Variants in CAST observed in about 807,000 individuals in gnomAD.
The protein encoded by CAST is MIR583 host.
CAST carries 76 observed loss-of-function variants against 119.6 expected under a neutral mutation model. That is an observed-to-expected ratio of 0.64 (90% CI 0.53 to 0.77). CAST has a LOEUF of 0.77. Among genes scored for constraint, CAST ranks in the 30% least tolerant of loss-of-function variants. CAST has a pLI of 0.00. For synonymous variants in CAST, 319 were observed against 331.6 expected (o/e 0.96, Z 0.41); for missense variants, 953 against 946.5 (o/e 1.01, Z -0.09).
chr5:96,393,344 G>T, the CAST span: 3 of 1,613,966 alleles, frequency 1.9e-6, no homozygotes, highest in African/African-American at 4.0e-5. Flanking sequence ...GGACACCAGG[G>T]TGTTCTCCTT....
intron 24 of CAST, 26 bp from the exon 25 acceptor site, chr5:96,762,248 A>C: frequency 2.0e-6 from 3 of 1,467,022 alleles, no homozygotes; most frequent in Non-Finnish European, 2.8e-6. Context: ...ACAACATGTT[A>C]CTAATAAAAT....
chr5:96,325,143 G>A, the CAST span, among the ~76,000 whole-genome samples: 2 of 152,112 alleles, frequency 1.3e-5, no homozygotes, highest in African/African-American at 4.8e-5. Context: ...GGTAGAGGTT[G>A]CGGTTACCTG....
chr5:96,531,303 A>G (rs931603012), intron 1 of CAST, among the ~76,000 whole-genome samples: 11 of 152,318 alleles, frequency 7.2e-5, no homozygotes, highest in Middle Eastern at 3.4e-3. Flanking sequence ...GGAGCAGTCC[A>G]GAACATGCCA....
At chr5:96,593,825 C>T (rs1372118971) in intron 1 of CAST, among the ~76,000 whole-genome samples, 1 of 152,212 alleles carries the variant, frequency 6.6e-6, no homozygotes, top group African/African-American at 2.4e-5. Flanking sequence ...GCATCAGAGC[C>T]TGACCACACT....
chr5:96,174,406 C>T, the CAST span, among the ~76,000 whole-genome samples: 19 of 152,226 alleles, frequency 1.2e-4, no homozygotes, highest in African/African-American at 3.9e-4. Flanking sequence ...CAAGGTCCTG[C>T]GCTGGGCGCT....
the CAST span, among the ~76,000 whole-genome samples, chr5:96,156,931 C>T: frequency 6.6e-6 from 1 of 152,154 alleles, no homozygotes; most frequent in Non-Finnish European, 1.5e-5. Context: ...AATTATTTGA[C>T]TACTTAAGTC....
intron 1 of CAST, among the ~76,000 whole-genome samples, chr5:96,574,669 T>C (rs200736276): frequency 2.6e-5 from 4 of 152,138 alleles, no homozygotes; most frequent in Admixed American, 1.3e-4. Flanking sequence ...TTTTACATTT[T>C]ACATTTATGT....
chr5:96,730,117 T>C (rs1260845870), intron 8 of CAST, among the ~76,000 whole-genome samples: 6 of 152,172 alleles, frequency 3.9e-5, no homozygotes, highest in African/African-American at 1.4e-4. Context: ...TAAATGGAAA[T>C]CCTAAAGCAT....
the CAST span, chr5:96,415,919 G>C: frequency 6.8e-6 from 5 of 740,656 alleles, no homozygotes; most frequent in African/African-American, 1.7e-5. Flanking sequence ...CTTTGGCATG[G>C]AACTAATTTG....
At chr5:96,458,100 C>T in the CAST span, among the ~76,000 whole-genome samples, 15 of 152,102 alleles carry the variant, frequency 9.9e-5, no homozygotes, top group East Asian at 2.9e-3. Flanking sequence ...CAAATCTGTC[C>T]AGTCACCTAT....
the CAST span, among the ~76,000 whole-genome samples, chr5:96,223,569 G>A: frequency 6.6e-6 from 1 of 152,158 alleles, no homozygotes; most frequent in African/African-American, 2.4e-5. Context: ...ATCTTTGGAG[G>A]GACCATGGCC....
At chr5:96,537,068 A>G (rs560863309) in intron 1 of CAST, among the ~76,000 whole-genome samples, 8 of 152,338 alleles carry the variant, frequency 5.3e-5, no homozygotes, top group Non-Finnish European at 1.0e-4. Context: ...CGACTAAAAT[A>G]TGGAGGCTGC....
At chr5:96,481,507 G>T in the CAST span, among the ~76,000 whole-genome samples, 2 of 152,142 alleles carry the variant, frequency 1.3e-5, no homozygotes, top group South Asian at 4.1e-4. Context: ...ATAAGAAACA[G>T]ATGTATCCTA....
At chr5:96,192,349 T>G in the CAST span, among the ~76,000 whole-genome samples, 7 of 152,232 alleles carry the variant, frequency 4.6e-5, no homozygotes, top group African/African-American at 1.7e-4. Flanking sequence ...CATGGAAAGA[T>G]TAATGCATTA....
At chr5:96,325,385 CT>C in the CAST span, among the ~76,000 whole-genome samples, 67 of 151,508 alleles carry the variant, frequency 4.4e-4, no homozygotes, top group South Asian at 0.01. Flanking sequence ...TTTCTTCTTT[CT>C]TTCTTTCTTT....
chr5:96,261,256 G>A, the CAST span, among the ~76,000 whole-genome samples: 1 of 152,140 alleles, frequency 6.6e-6, no homozygotes, highest in South Asian at 2.1e-4. Flanking sequence ...TTCTGCCATG[G>A]GCAGGTCTAT....
chr5:96,303,858 A>G, the CAST span, among the ~76,000 whole-genome samples: 1 of 152,210 alleles, frequency 6.6e-6, no homozygotes, highest in African/African-American at 2.4e-5. Flanking sequence ...ATTAATGGGC[A>G]TTTGGGTTGG....
chr5:96,735,005 G>A (rs191811606), intron 9 of CAST, among the ~76,000 whole-genome samples: 95 of 152,108 alleles, frequency 6.2e-4, no homozygotes, highest in African/African-American at 2.2e-3. Flanking sequence ...AGAGGAAGGT[G>A]GGGGAGAGAA....
chr5:96,586,519 T>C (rs1746864681), intron 1 of CAST, among the ~76,000 whole-genome samples: 1 of 152,232 alleles, frequency 6.6e-6, no homozygotes, highest in African/African-American at 2.4e-5. Flanking sequence ...GGGAGTTCAA[T>C]GTAGGTTAGA....
Sources: allele counts gnomAD v4.1 joint callset (sites outside exome capture counted in the v4.1 genomes callset), GRCh38; gene constraint gnomAD v4.1.1; transcripts MANE v1.5; gene names NCBI Gene and HGNC (gene_info 2026-07-23, HGNC 2026-07-21).